PHKA1: variants seen among roughly 807,000 people sequenced by gnomAD.
PHKA1 encodes the protein phosphorylase b kinase regulatory subunit alpha, skeletal muscle isoform.
PHKA1 carries 60 observed loss-of-function variants against 110.2 expected under a neutral mutation model. That is an observed-to-expected ratio of 0.54 (90% CI 0.44 to 0.68). PHKA1 has a LOEUF of 0.68. PHKA1 is among the 30% of genes least tolerant of loss of function. PHKA1 has a pLI of 0.00. For synonymous variants in PHKA1, 316 were observed against 333.6 expected (o/e 0.95, Z 0.58); for missense variants, 801 against 942.5 (o/e 0.85, Z 1.97).
chrX:72,633,793 A>T (rs1333090924), intron 16 of PHKA1, among the ~76,000 whole-genome samples: 1 of 111,747 alleles, frequency 8.9e-6, no homozygotes, highest in African/African-American at 3.3e-5. Context: ...TCTGAGAAAA[A>T]TCTATATTAA....
intron 30 of PHKA1, 71 bp downstream of exon 30, chrX:72,584,178 T>C: frequency 1.2e-6 from 1 of 842,045 alleles, no homozygotes; most frequent in Non-Finnish European, 1.8e-6. Flanking sequence ...CTTTGAAAAG[T>C]AAGTGATCAC....
chrX:72,619,316 A>G lies in PHKA1; in HGVS notation c.2138-11T>C. 9.6e-7 allele frequency: 1 copy of G among 1,043,765 alleles called. No individual in the cohort carries two copies. The highest frequency in any genetic ancestry group is 1.3e-6 in the Non-Finnish European group (1 of 744,423). 86.0% of individuals were successfully genotyped at this position (1,043,765 alleles called of 1,213,427 possible). ...GATACATGTGAACATCTGCAAAAAT[A>G]TGACATTTATGGGAAATATTAGGTA... is the stretch of plus-strand genomic sequence containing the variant. On this transcript the variant is annotated splice_polypyrimidine_tract_variant and intron_variant, in intron 19 of 31. Transcript: ENST00000373542.
intron 28 of PHKA1, among the ~76,000 whole-genome samples, chrX:72,597,627 G>A (rs2052607951): frequency 9.0e-6 from 1 of 111,567 alleles, no homozygotes; most frequent in Non-Finnish European, 1.9e-5. Flanking sequence ...GGGTAAATGG[G>A]GTATCCATTA....
At chrX:72,604,686 T>C (rs2052703401) in intron 25 of PHKA1, among the ~76,000 whole-genome samples, 1 of 111,823 alleles carries the variant, frequency 8.9e-6, no homozygotes, top group Non-Finnish European at 1.9e-5. Context: ...TAAGGAGTCA[T>C]GTCATAGGGG....
At chrX:72,686,249 C>G (rs945858503) in intron 4 of PHKA1, among the ~76,000 whole-genome samples, 1 of 111,685 alleles carries the variant, frequency 9.0e-6, no homozygotes, top group Admixed American at 9.5e-5. Context: ...CAAACTGTGC[C>G]GAAGGATAAC....
At chrX:72,604,913 A>C (rs2052706466) in intron 25 of PHKA1, among the ~76,000 whole-genome samples, 1 of 111,570 alleles carries the variant, frequency 9.0e-6, no homozygotes, top group Admixed American at 9.6e-5. Context: ...TGATGTAGTG[A>C]CTCATTCTTG....
rs782632575 is a variant in PHKA1, at chrX:72,713,763, A to G, written c.78+40T>C. 9 of 1,064,098 alleles carry G rather than the reference A, an allele frequency of 8.5e-6. No individual in the cohort carries two copies. The East Asian group carries it at 2.7e-4, about 32-fold the overall frequency. 87.7% of individuals were successfully genotyped at this position (1,064,098 alleles called of 1,213,427 possible). Reference sequence around the variant, plus strand: ...CTCCGTCCAAGCTATGACAAGCTACATCCTCGCTCGGTGATTACGAGAGAC... The same window carrying G: ...CTCCGTCCAAGCTATGACAAGCTACGTCCTCGCTCGGTGATTACGAGAGAC... On this transcript the variant is annotated intron_variant, in intron 1 of 31. Transcript: ENST00000373542.
At chrX:72,591,804 T>C (rs1037519006) in intron 29 of PHKA1, among the ~76,000 whole-genome samples, 4 of 112,381 alleles carry the variant, frequency 3.6e-5, no homozygotes, top group Non-Finnish European at 5.6e-5. Context: ...ATGAGAGATA[T>C]TGGTTTATGA....
chrX:72,580,834 T>C lies in PHKA1; in HGVS notation c.*168A>G, dbSNP rs1556199830. ...GGTGAGCCTCCAGGTAAGTGTTCACTTCTTCTACAGTAGTTAGTTTATCGA... is the reference window on the plus strand; with the variant it reads ...GGTGAGCCTCCAGGTAAGTGTTCACCTCTTCTACAGTAGTTAGTTTATCGA... On this transcript the variant is annotated 3_prime_UTR_variant, in exon 32 of 32. Transcript: ENST00000373542. 4.0e-6 allele frequency: 2 copies of C among 493,959 alleles called. No homozygotes were observed. Among genetic ancestry groups the C allele is most frequent in the African/African-American group, 4.7e-5 (2 of 42,779 alleles). The allele number at this position is 493,959 out of a possible 1,213,427, so 40.7% of individuals were successfully genotyped here. A position where few individuals can be genotyped will look rare whatever the true frequency, so the allele number is the denominator to read the frequency against.
intron 12 of PHKA1, among the ~76,000 whole-genome samples, chrX:72,651,044 T>C (rs1180760401): frequency 8.9e-6 from 1 of 112,307 alleles, no homozygotes; most frequent in Non-Finnish European, 1.9e-5. Flanking sequence ...CAAAGTTTTC[T>C]GGTTATTCCT....
intron 18 of PHKA1, chrX:72,622,673 C>G: frequency 1.3e-6 from 1 of 743,210 alleles, no homozygotes; most frequent in Non-Finnish European, 1.6e-6. Context: ...ACAGACCTCC[C>G]CAGAGATTCC....
In PHKA1 at chrX:72,696,028, C is replaced by T. The variant is rs2054105646; in HGVS notation, c.286-152G>A. On this transcript the variant is annotated intron_variant, in intron 3 of 31. Transcript: ENST00000373542. ...TTTAAAATACTCGTTACCTGTTTTTCCCTGCACTAATATAACTGGAAAGTC... is the reference window on the plus strand; with the variant it reads ...TTTAAAATACTCGTTACCTGTTTTTTCCTGCACTAATATAACTGGAAAGTC... 5.9e-6 allele frequency: 3 copies of T among 510,621 alleles called. No homozygotes were observed. In the African/African-American group the frequency reaches 6.9e-5, roughly 12 times the overall value. 42.1% of individuals were successfully genotyped at this position (510,621 alleles called of 1,213,427 possible).
chrX:72,710,035 T>TA (rs1569454484), intron 2 of PHKA1, among the ~76,000 whole-genome samples: 1 of 78,787 alleles, frequency 1.3e-5, no homozygotes, highest in Non-Finnish European at 2.3e-5. Flanking sequence ...GAGCAAGACT[T>TA]AGTCTTCAAA....
At chrX:72,686,915 A>G (rs1556319040) in intron 4 of PHKA1, among the ~76,000 whole-genome samples, 1 of 112,040 alleles carries the variant, frequency 8.9e-6, no homozygotes, top group Non-Finnish European at 1.9e-5. Flanking sequence ...TTATTCTTCA[A>G]AGAAATTCTA....
At chrX:72,688,549 C>T (rs1556319751) in intron 4 of PHKA1, among the ~76,000 whole-genome samples, 1 of 112,305 alleles carries the variant, frequency 8.9e-6, no homozygotes. Flanking sequence ...TTGTTATATT[C>T]TCCATTTAAA....
At chrX:72,625,054 G>A (rs1353650340) in intron 17 of PHKA1, among the ~76,000 whole-genome samples, 2 of 111,932 alleles carry the variant, frequency 1.8e-5, no homozygotes, top group Admixed American at 1.9e-4. Flanking sequence ...ACATTATTGG[G>A]ATAATTGGGT....
intron 13 of PHKA1, among the ~76,000 whole-genome samples, chrX:72,645,087 GC>G (rs1268331762): frequency 8.9e-6 from 1 of 111,782 alleles, no homozygotes; most frequent in Non-Finnish European, 1.9e-5. Flanking sequence ...AGCCTGACAA[GC>G]CTGGACAGCT....
chrX:72,649,564 A>T (rs1470414566), intron 13 of PHKA1, among the ~76,000 whole-genome samples: 1 of 111,824 alleles, frequency 8.9e-6, no homozygotes, highest in Non-Finnish European at 1.9e-5. Context: ...AATTTAAGTA[A>T]ATTGTTAGGA....
intron 16 of PHKA1, among the ~76,000 whole-genome samples, chrX:72,633,656 C>T (rs192808567): frequency 9.0e-6 from 1 of 111,081 alleles, no homozygotes; most frequent in Admixed American, 9.5e-5. Context: ...TTCTCTTCAC[C>T]TCATATGTGG....
Sources: allele counts gnomAD v4.1 joint callset (sites outside exome capture counted in the v4.1 genomes callset), GRCh38; gene constraint gnomAD v4.1.1; transcripts MANE v1.5; gene names NCBI Gene and HGNC (gene_info 2026-07-23, HGNC 2026-07-21).